MGA: variants seen among roughly 807,000 people sequenced by gnomAD.
MGA encodes the protein MAX gene-associated protein.
Under a neutral mutation model 261.1 loss-of-function variants are expected in MGA, and 40 were observed. That is an observed-to-expected ratio of 0.15 (90% CI 0.12 to 0.20). The LOEUF (loss-of-function observed/expected upper bound fraction) is 0.20, where lower values mean the gene tolerates loss of function less well. Ranked by LOEUF, MGA falls within the 10% of genes least tolerant of loss-of-function variation. The probability of loss-of-function intolerance (pLI) is 1.00; values close to 1 mark genes in which losing one functional copy is unlikely to be tolerated. For synonymous variants in MGA, 1,302 were observed against 1,290.6 expected (o/e 1.01, Z -0.19); for missense variants, 3,397 against 3,630.5 (o/e 0.94, Z 1.65).
intron 17 of MGA, 107 bp from the exon 18 acceptor site, chr15:41,754,330 C>T (rs2063020126): frequency 1.0e-6 from 1 of 998,402 alleles, no homozygotes; most frequent in South Asian, 1.9e-5. Context: ...CATGATATAA[C>T]ATGAATGTCT....
At chr15:41,716,004 G>A (rs1275679886) in intron 9 of MGA, among the ~76,000 whole-genome samples, 1 of 152,046 alleles carries the variant, frequency 6.6e-6, no homozygotes, top group Non-Finnish European at 1.5e-5. Flanking sequence ...TCTTCATCCT[G>A]TGCCCTATCC....
intron 2 of MGA, among the ~76,000 whole-genome samples, chr15:41,672,078 T>C (rs1380864988): frequency 6.6e-6 from 1 of 152,200 alleles, no homozygotes; most frequent in East Asian, 1.9e-4. Context: ...TATTGTACCG[T>C]TGGATGATGC....
At chr15:41,664,252 C>T (rs1194259932) in intron 1 of MGA, among the ~76,000 whole-genome samples, 1 of 152,146 alleles carries the variant, frequency 6.6e-6, no homozygotes, top group African/African-American at 2.4e-5. Context: ...TATGACTTCT[C>T]TGCACTAATA....
intron 17 of MGA, among the ~76,000 whole-genome samples, chr15:41,754,168 C>G (rs376307717): frequency 3.9e-5 from 6 of 152,320 alleles, no homozygotes; most frequent in African/African-American, 1.4e-4. Flanking sequence ...GATCCACCTG[C>G]CTGGGCCTCC....
chr15:41,671,355 A>C (rs1415037260), intron 2 of MGA, among the ~76,000 whole-genome samples: 1 of 151,940 alleles, frequency 6.6e-6, no homozygotes, highest in African/African-American at 2.4e-5. Context: ...ACGAAGTCTC[A>C]CCCTGTCGCC....
rs1276015292 is a variant in MGA at position 41,637,686 on chromosome 15, G to A, written c.-68+16388G>A. 3.3e-5 allele frequency among the ~76,000 whole-genome samples: 5 copies of A among 152,274 alleles called. No homozygotes were observed. In the East Asian group the frequency reaches 9.6e-4, roughly 29 times the overall value. On this transcript the variant is annotated intron_variant, in intron 1 of 8. Transcript: ENST00000566718. ...TTATCAGTTTAAAATTGAATGGCTTGTGGATATATGCTAGAAGGAACCAGA... is the reference window on the plus strand; with the variant it reads ...TTATCAGTTTAAAATTGAATGGCTTATGGATATATGCTAGAAGGAACCAGA...
intron 19 of MGA, among the ~76,000 whole-genome samples, chr15:41,758,595 A>G (rs2063277128): frequency 6.6e-6 from 1 of 152,316 alleles, no homozygotes; most frequent in South Asian, 2.1e-4. Flanking sequence ...AAGAATTTTC[A>G]TAATAGCTTA....
intron 1 of MGA, among the ~76,000 whole-genome samples, chr15:41,662,925 A>G (rs946245308): frequency 6.6e-6 from 1 of 152,224 alleles, no homozygotes; most frequent in Non-Finnish European, 1.5e-5. Context: ...GTTGCTTAGC[A>G]TTTGAATATT....
intron 1 of MGA, among the ~76,000 whole-genome samples, chr15:41,627,057 C>A (rs1279433873): frequency 6.6e-6 from 1 of 152,044 alleles, no homozygotes; most frequent in South Asian, 2.1e-4. Context: ...CAGGCGTGCA[C>A]CACCACATCC....
intron 2 of MGA, among the ~76,000 whole-genome samples, chr15:41,674,581 G>A (rs1397522248): frequency 1.3e-5 from 2 of 151,766 alleles, no homozygotes; most frequent in African/African-American, 4.8e-5. Flanking sequence ...ACGTAGTGGC[G>A]TGATCTGGGC....
rs1321628372 is a variant in MGA at position 41,669,860 on chromosome 15, G to T, written c.966G>T (p.Glu322Asp). 6.2e-7 allele frequency: 1 copy of T among 1,614,010 alleles called. No individual in the cohort carries two copies. The highest frequency in any genetic ancestry group is 1.7e-5 in the Admixed American group (1 of 60,032). ...ATGAAACATCAGGCAAGGGTTTGGA[G>T]AAGACTTCCCTTAATATAAAACGAG... The change falls in exon 2 of 24, where the codon GAG (glutamate) becomes GAT (aspartate). Residue 322 changes from glutamate to aspartate, a missense_variant. This residue lies in a region of MGA where 563 missense variants were observed against 563.6 expected (regional missense o/e 1.00). Transcript: ENST00000219905.
At chr15:41,690,520 C>G (rs2059219833) in intron 2 of MGA, among the ~76,000 whole-genome samples, 1 of 152,112 alleles carries the variant, frequency 6.6e-6, no homozygotes, top group Non-Finnish European at 1.5e-5. Context: ...TCTGGACTCT[C>G]AATTCTGTTA....
Position 41,711,045 on chromosome 15 carries a change from A to G in MGA, c.2780A>G (p.Gln927Arg). The change falls in exon 8 of 24, where the codon CAG (glutamine) becomes CGG (arginine). Residue 927 changes from glutamine to arginine, a missense_variant. Physicochemically the swap from Gln to Arg is conservative, Grantham distance 43. Coordinates refer to ENST00000219905, the MANE Select transcript of MGA (RefSeq NM_001164273.2). ...TTACCATACCCTGTTTCACCAAAGC[A>G]GAAATACTCTCATGTGATTCTAGGA... 1 of 1,614,062 alleles carries G rather than the reference A, an allele frequency of 6.2e-7. No individual in the cohort carries two copies. Among genetic ancestry groups the G allele is most frequent in the Non-Finnish European group, 8.5e-7 (1 of 1,179,894 alleles).
chr15:41,740,506 T>C (rs1194391009), intron 14 of MGA, among the ~76,000 whole-genome samples: 5 of 152,124 alleles, frequency 3.3e-5, no homozygotes, highest in Non-Finnish European at 5.9e-5. Flanking sequence ...CTGGTTGTTA[T>C]TAATGTAGAA....
In MGA at chr15:41,750,064, A is replaced by T; in HGVS notation, c.6457A>T (p.Asn2153Tyr). Residue 2153 changes from asparagine (N) to tyrosine (Y), a missense_variant, in exon 17 of 24, where the codon AAT becomes TAT. Asn to Tyr is a moderately radical substitution (Grantham distance 143). Around this residue, in one of 9 missense-constraint regions of MGA, gnomAD observed 1,410 missense variants for 1,386.4 expected, o/e 1.02. Transcript: ENST00000219905. ...AAGCAAAGTTATGGAGCAGCAATCT[A>T]ATCTACAGCCAGAGGCCAAAGAGAA... 6.2e-7 allele frequency: 1 copy of T among 1,613,462 alleles called. No individual in the cohort carries two copies. Among genetic ancestry groups the T allele is most frequent in the African/African-American group, 1.3e-5 (1 of 75,024 alleles).
At chr15:41,762,044 G>A in intron 21 of MGA, 85 bp from the exon 22 acceptor site, 1 of 1,218,268 alleles carries the variant, frequency 8.2e-7, no homozygotes, top group South Asian at 1.5e-5. Context: ...TGGGAATATA[G>A]TTAAAGCAAC....
intron 7 of MGA, among the ~76,000 whole-genome samples, chr15:41,710,092 G>T (rs905159850): frequency 2.0e-5 from 3 of 152,062 alleles, no homozygotes; most frequent in South Asian, 2.1e-4. Context: ...CTCCCAAAGC[G>T]CTGGGATTGC....
At chr15:41,688,129 G>GA (rs759555493) in intron 2 of MGA, among the ~76,000 whole-genome samples, 11 of 152,202 alleles carry the variant, frequency 7.2e-5, no homozygotes, top group Non-Finnish European at 1.6e-4. Flanking sequence ...AGGCTGGAGT[G>GA]CAGTGGTGCG....
chr15:41,692,913 A>G (rs1048514002), intron 2 of MGA, among the ~76,000 whole-genome samples: 1 of 152,236 alleles, frequency 6.6e-6, no homozygotes, highest in East Asian at 1.9e-4. Flanking sequence ...GGGTTTTACC[A>G]TGTTGAACTC....
Sources: allele counts gnomAD v4.1 joint callset (sites outside exome capture counted in the v4.1 genomes callset), GRCh38; gene constraint gnomAD v4.1.1; regional missense constraint gnomAD v4.1.1; transcripts MANE v1.5; gene names NCBI Gene and HGNC (gene_info 2026-07-23, HGNC 2026-07-21).